The following HIBCH variants were observed in gnomAD, a reference collection of about 807,000 sequenced individuals.
HIBCH encodes the protein 3-hydroxyisobutyryl-CoA hydrolase, mitochondrial.
In HIBCH, 50 loss-of-function variants were observed where a neutral mutation model predicts 58.2. The observed-to-expected ratio is 0.86, with a 90% CI of 0.68 to 1.09. The LOEUF (loss-of-function observed/expected upper bound fraction) is 1.09, where lower values mean the gene tolerates loss of function less well. Ranked by LOEUF, HIBCH falls within the 50% of genes least tolerant of loss-of-function variation. The pLI, the probability that HIBCH is intolerant of heterozygous loss-of-function variation, is 0.00. For missense variants in HIBCH, 450 were observed against 449.7 expected, an observed-to-expected ratio of 1.00 and a Z score of -0.01; for synonymous variants, 151 against 146.9, an observed-to-expected ratio of 1.03 and a Z score of -0.20.
At chr2:190,223,837 G>A (rs146419324) in intron 11 of HIBCH, among the ~76,000 whole-genome samples, 5 of 152,254 alleles carry the variant, frequency 3.3e-5, no homozygotes, top group Non-Finnish European at 5.9e-5. Context: ...AGCTCCCAGA[G>A]TGAGCAATGT....
At chr2:190,227,760 A>T (rs1685954058) in intron 11 of HIBCH, among the ~76,000 whole-genome samples, 1 of 152,218 alleles carries the variant, frequency 6.6e-6, no homozygotes, top group Non-Finnish European at 1.5e-5. Context: ...ATGAACAGCC[A>T]CTTCTCAAAA....
intron 3 of HIBCH, among the ~76,000 whole-genome samples, chr2:190,295,065 CGTAA>C (rs1688069421): frequency 6.6e-6 from 1 of 152,104 alleles, no homozygotes; most frequent in Non-Finnish European, 1.5e-5. Context: ...ACTCTTAATA[CGTAA>C]GTAACATAGT....
chr2:190,295,659 C>T (rs1235299370), intron 3 of HIBCH, among the ~76,000 whole-genome samples: 1 of 152,198 alleles, frequency 6.6e-6, no homozygotes, highest in African/African-American at 2.4e-5. Context: ...TACCGGACTA[C>T]ATTAATTACA....
At chr2:190,262,406 C>T (rs544325288) in intron 6 of HIBCH, among the ~76,000 whole-genome samples, 1 of 152,310 alleles carries the variant, frequency 6.6e-6, no homozygotes, top group African/African-American at 2.4e-5. Context: ...GAGTGAGTCT[C>T]TGTTCTTTCC....
intron 11 of HIBCH, among the ~76,000 whole-genome samples, chr2:190,225,320 T>C (rs955428257): frequency 6.6e-6 from 1 of 152,094 alleles, no homozygotes; most frequent in South Asian, 2.1e-4. Context: ...AAAATATCAA[T>C]GAATCCAGGA....
At chr2:190,302,155 C>T (rs1232386569) in intron 2 of HIBCH, among the ~76,000 whole-genome samples, 1 of 152,198 alleles carries the variant, frequency 6.6e-6, no homozygotes, top group African/African-American at 2.4e-5. Context: ...TAAAGGGCTG[C>T]AGCCTGCAGG....
chr2:190,226,910 T>G (rs1685919696), intron 11 of HIBCH, among the ~76,000 whole-genome samples: 1 of 152,152 alleles, frequency 6.6e-6, no homozygotes, highest in South Asian at 2.1e-4. Flanking sequence ...TACAAACCAC[T>G]GCTCAACGAA....
rs1690037208 is a variant in HIBCH at position 190,197,537 on chromosome 2, T to A, written c.*18-7540A>T. Among the ~76,000 whole-genome samples the A allele has an allele frequency of 6.6e-6, 1 of 152,184 alleles. No individual in the cohort carries two copies. Among genetic ancestry groups the A allele is most frequent in the African/African-American group, 2.4e-5 (1 of 41,428 alleles). Reference sequence around the variant, plus strand: ...TCTATCTTATAAATTCCAGCTGTTTTAGTAACCCTAACCTCTGTTGCATCA... The same window carrying A: ...TCTATCTTATAAATTCCAGCTGTTTAAGTAACCCTAACCTCTGTTGCATCA... On this transcript the variant is annotated intron_variant, in intron 1 of 1. Transcript: ENST00000399855. The surrounding 1 kb of genome is among the most constrained non-coding windows in gnomAD (Gnocchi z 4.0).
intron 7 of HIBCH, among the ~76,000 whole-genome samples, chr2:190,257,089 C>G (rs1229039162): frequency 6.6e-6 from 1 of 151,986 alleles, no homozygotes; most frequent in Non-Finnish European, 1.5e-5. Context: ...CTAAGTAGCT[C>G]AATAACCACA....
chr2:190,228,222 T>C (rs1046778226), intron 11 of HIBCH, among the ~76,000 whole-genome samples: 5 of 151,812 alleles, frequency 3.3e-5, no homozygotes, highest in African/African-American at 1.2e-4. Flanking sequence ...TATGCAGCCA[T>C]AAAAAAGGAT....
downstream of HIBCH, chr2:190,199,630 ATGCCACTC>A: frequency 1.0e-6 from 1 of 975,660 alleles, no homozygotes. Context: ...GGATTTTTAC[ATGCCACTC>A]AATCATACAC....
chr2:190,266,337 ATC>A (rs1367159204), intron 6 of HIBCH, among the ~76,000 whole-genome samples: 1 of 152,166 alleles, frequency 6.6e-6, no homozygotes, highest in East Asian at 1.9e-4. Flanking sequence ...TCTCTGTTTT[ATC>A]TGTTATTGAA....
intron 4 of HIBCH, among the ~76,000 whole-genome samples, chr2:190,291,514 G>C (rs542619790): frequency 2.5e-4 from 38 of 152,138 alleles, no homozygotes; most frequent in African/African-American, 9.2e-4. Flanking sequence ...CAAGAAAGAA[G>C]AGTAAAATCA....
intron 6 of HIBCH, among the ~76,000 whole-genome samples, chr2:190,268,037 T>G (rs991888896): frequency 2.0e-5 from 3 of 152,152 alleles, no homozygotes; most frequent in Non-Finnish European, 2.9e-5. Context: ...GCATTTTAAA[T>G]ACTCAATTAG....
intron 10 of HIBCH, 49 bp from the exon 11 acceptor site, chr2:190,245,017 T>A (rs776703180): frequency 8.8e-7 from 1 of 1,141,200 alleles, no homozygotes; most frequent in Admixed American, 1.7e-5. Context: ...TGATTTCCTG[T>A]TTCTAACATA....
At chr2:190,316,450 T>C (rs970698360) in intron 1 of HIBCH, among the ~76,000 whole-genome samples, 2 of 152,066 alleles carry the variant, frequency 1.3e-5, no homozygotes, top group Admixed American at 6.5e-5. Context: ...ACTAACATTA[T>C]CTGGATGGAA....
At chr2:190,231,161 G>A (rs1686084082) in intron 11 of HIBCH, among the ~76,000 whole-genome samples, 1 of 152,156 alleles carries the variant, frequency 6.6e-6, no homozygotes, top group Non-Finnish European at 1.5e-5. Context: ...ATATAATAAT[G>A]TGGGAAAAAA....
At chr2:190,219,160 G>A (rs1165691764) in intron 11 of HIBCH, among the ~76,000 whole-genome samples, 2 of 152,116 alleles carry the variant, frequency 1.3e-5, no homozygotes, top group Non-Finnish European at 1.5e-5. Flanking sequence ...TGAAGTTGGA[G>A]AAATCTAACA....
chr2:190,269,146 G>A (rs890028282), intron 6 of HIBCH, among the ~76,000 whole-genome samples: 5 of 152,130 alleles, frequency 3.3e-5, no homozygotes, highest in African/African-American at 1.2e-4. Flanking sequence ...GAAAATCTAG[G>A]CAATACCATT....
Sources: gnomAD v4.1 joint callset for allele counts (sites outside exome capture counted in the v4.1 genomes callset) on GRCh38, gnomAD v4.1.1 for gene constraint, Gnocchi (gnomAD v3.1) non-coding constraint, MANE v1.5 for transcripts, NCBI Gene and HGNC (gene_info 2026-07-23, HGNC 2026-07-21) for gene names.